The following YEATS4 variants were observed in gnomAD, a reference collection of about 807,000 sequenced individuals.
The protein encoded by YEATS4 is YEATS domain-containing protein 4.
YEATS4 carries 17 observed loss-of-function variants against 30.1 expected under a neutral mutation model. That is an observed-to-expected ratio of 0.56 (90% CI 0.39 to 0.85). The LOEUF (loss-of-function observed/expected upper bound fraction) is 0.85, where lower values mean the gene tolerates loss of function less well. Ranked by LOEUF, YEATS4 falls within the 40% of genes least tolerant of loss-of-function variation. The pLI, the probability that YEATS4 is intolerant of heterozygous loss-of-function variation, is 0.00. For synonymous variants in YEATS4, 85 were observed against 87.5 expected (o/e 0.97, Z 0.16); for missense variants, 142 against 268.3 (o/e 0.53, Z 3.29).
intron 6 of YEATS4, among the ~76,000 whole-genome samples, chr12:69,388,456 G>T (rs1219657783): frequency 4.6e-5 from 7 of 152,054 alleles, no homozygotes; most frequent in African/African-American, 1.7e-4. Flanking sequence ...TCCATAGTTG[G>T]GTTTTTTTCC....
At chr12:69,391,934 C>T (rs1370439096), downstream of YEATS4, among the ~76,000 whole-genome samples, 1 of 152,158 alleles carries the variant, frequency 6.6e-6, no homozygotes, top group South Asian at 2.1e-4. Context: ...TTCATGCATG[C>T]ATACAAGGGT....
intron 1 of YEATS4, among the ~76,000 whole-genome samples, 187 bp downstream of exon 1, chr12:69,360,210 C>T (rs538116079): frequency 6.6e-6 from 1 of 152,238 alleles, no homozygotes; most frequent in South Asian, 2.1e-4. Flanking sequence ...CCCCAACTTC[C>T]TCGCGTCACT....
chr12:69,409,354 C>T, the YEATS4 span, among the ~76,000 whole-genome samples: 9 of 152,220 alleles, frequency 5.9e-5, no homozygotes, highest in African/African-American at 1.9e-4. Context: ...TGGTGGCTTA[C>T]GCCTATAATC....
In YEATS4 at chr12:69,359,904, G is replaced by T; in HGVS notation, c.-69G>T. On this transcript the variant is annotated 5_prime_UTR_variant, in exon 1 of 7. Coordinates refer to ENST00000247843, the MANE Select transcript of YEATS4 (RefSeq NM_006530.4). ...CCCGCGCGACAGGAGCGCGGTCTCT[G>T]AGGGGAGCGGCGACCCCGCCAGCCC... 4 of 1,599,890 alleles carry T rather than the reference G, an allele frequency of 2.5e-6. No homozygotes were observed. The South Asian group carries it at 4.4e-5, about 18-fold the overall frequency.
At chr12:69,402,338 T>A in the YEATS4 span, among the ~76,000 whole-genome samples, 72 of 18,114 alleles carry the variant, frequency 4.0e-3, 1 homozygote, top group Middle Eastern at 0.075. Flanking sequence ...GGGCCATTCG[T>A]TGTGGGCCTA....
chr12:69,420,160 C>G, the YEATS4 span, among the ~76,000 whole-genome samples: 1 of 152,184 alleles, frequency 6.6e-6, no homozygotes, highest in Admixed American at 6.5e-5. Flanking sequence ...GGCCCATTCC[C>G]TCAGCTACTG....
At chr12:69,361,239 TTATGTGTGTGTGTG>T (rs1341385046) in intron 1 of YEATS4, 1 of 131,948 alleles carries the variant, frequency 7.6e-6, no homozygotes, top group African/African-American at 3.4e-5. Flanking sequence ...TTTAAAATAC[TTATGTGTGTGTGTG>T]TGTGTGTGTG....
intron 6 of YEATS4, among the ~76,000 whole-genome samples, chr12:69,373,856 T>C (rs1386653031): frequency 6.6e-6 from 1 of 152,254 alleles, no homozygotes; most frequent in African/African-American, 2.4e-5. Context: ...TATCCAGATT[T>C]CCTGGCACTA....
At chr12:69,409,039 C>T in the YEATS4 span, among the ~76,000 whole-genome samples, 1 of 152,158 alleles carries the variant, frequency 6.6e-6, no homozygotes, top group Non-Finnish European at 1.5e-5. Context: ...ATATATATAT[C>T]AGACGGCTGA....
At chr12:69,362,184 A>C (rs1875249622) in intron 1 of YEATS4, among the ~76,000 whole-genome samples, 1 of 151,844 alleles carries the variant, frequency 6.6e-6, no homozygotes, top group Non-Finnish European at 1.5e-5. Flanking sequence ...AGCCCAGCTA[A>C]TTTTTGTATT....
chr12:69,360,951 A>G (rs112043105), intron 1 of YEATS4, among the ~76,000 whole-genome samples: 1,995 of 151,876 alleles, frequency 0.013, 57 homozygotes, highest in African/African-American at 0.046. Context: ...TAATCCCAGC[A>G]CTTTGGAAGG....
chr12:69,416,801 G>A, the YEATS4 span, among the ~76,000 whole-genome samples: 398 of 152,236 alleles, frequency 2.6e-3, 2 homozygotes, highest in Middle Eastern at 0.01. Flanking sequence ...AGCCGGTGGC[G>A]GTGGCTCATG....
chr12:69,374,914 G>A, intron 6 of YEATS4, among the ~76,000 whole-genome samples: 1 of 152,084 alleles, frequency 6.6e-6, no homozygotes, highest in East Asian at 1.9e-4. Flanking sequence ...AGACGGGGTG[G>A]CGGCCGGGCA....
At chr12:69,417,154 ATTT>A in the YEATS4 span, among the ~76,000 whole-genome samples, 4 of 68,126 alleles carry the variant, frequency 5.9e-5, no homozygotes, top group Non-Finnish European at 9.8e-5. Context: ...TTTTTTAAAA[ATTT>A]TTTTTTTTTT....
chr12:69,381,650 C>T (rs577709178), intron 6 of YEATS4, among the ~76,000 whole-genome samples: 6 of 152,198 alleles, frequency 3.9e-5, no homozygotes, highest in Non-Finnish European at 7.4e-5. Context: ...TAAAGACAGG[C>T]GTAAGAAATT....
intron 6 of YEATS4, 124 bp downstream of exon 6, chr12:69,371,099 CA>C (rs1377688522): frequency 2.2e-6 from 2 of 891,312 alleles, no homozygotes; most frequent in Non-Finnish European, 3.3e-6. Flanking sequence ...TGTTAAAAAA[CA>C]CAGTTTGTAT....
chr12:69,395,358 T>C (rs969460110), downstream of YEATS4, among the ~76,000 whole-genome samples: 2 of 152,140 alleles, frequency 1.3e-5, no homozygotes, highest in Non-Finnish European at 2.9e-5. Context: ...AGAAGCTGTA[T>C]AAATATGATA....
chr12:69,383,181 T>C (rs1876144853), intron 6 of YEATS4, among the ~76,000 whole-genome samples: 2 of 152,156 alleles, frequency 1.3e-5, no homozygotes, highest in Admixed American at 1.3e-4. Flanking sequence ...GGGGGATTAC[T>C]TGAGCCCAGG....
the YEATS4 span, among the ~76,000 whole-genome samples, chr12:69,407,702 C>CTT: frequency 3.6e-3 from 223 of 62,640 alleles, 2 homozygotes; most frequent in Non-Finnish European, 4.0e-3. Context: ...TACTTTTTGT[C>CTT]TTTTTTTTTT....
Sources: allele counts gnomAD v4.1 joint callset (sites outside exome capture counted in the v4.1 genomes callset), GRCh38; gene constraint gnomAD v4.1.1; transcripts MANE v1.5; gene names NCBI Gene and HGNC (gene_info 2026-07-23, HGNC 2026-07-21).